The following SELENOK variants were observed in gnomAD, a reference collection of about 807,000 sequenced individuals.
SELENOK encodes the protein selenoprotein K.
In SELENOK, 11 loss-of-function variants were observed where a neutral mutation model predicts 17.3. The observed-to-expected ratio is 0.63, with a 90% CI of 0.40 to 1.05. The LOEUF is 1.05. Ranked by LOEUF, SELENOK falls within the 50% of genes least tolerant of loss-of-function variation. The pLI, the probability that SELENOK is intolerant of heterozygous loss-of-function variation, is 0.00. For missense variants in SELENOK, 125 were observed against 113.9 expected (o/e 1.10, Z -0.44); for synonymous variants, 45 against 35.4 (o/e 1.27, Z -0.97).
At chr3:53,889,891 C>G (rs1340487826) in intron 1 of SELENOK, among the ~76,000 whole-genome samples, 2 of 152,184 alleles carry the variant, frequency 1.3e-5, no homozygotes, top group Non-Finnish European at 2.9e-5. Context: ...TTATCTTAAG[C>G]AAAACTGGAT....
intron 1 of SELENOK, among the ~76,000 whole-genome samples, chr3:53,889,777 AGAGT>A (rs1218142169): frequency 1.3e-5 from 2 of 152,260 alleles, no homozygotes; most frequent in African/African-American, 4.8e-5. Flanking sequence ...ATTCTTATAA[AGAGT>A]GTGTATGCTC....
intron 1 of SELENOK, 57 bp downstream of exon 1, chr3:53,891,713 A>G: frequency 6.2e-7 from 1 of 1,605,936 alleles, no homozygotes; most frequent in Non-Finnish European, 8.5e-7. Context: ...GATGAAAGGA[A>G]CCTGGAGTCC....
In SELENOK at chr3:53,888,779, G is replaced by A. The variant is rs145586086; in HGVS notation, c.20-296C>T. Among the ~76,000 whole-genome samples the A allele has an allele frequency of 8.5e-5, 13 of 152,238 alleles. No homozygotes were observed. In the East Asian group the frequency reaches 2.1e-3, roughly 25 times the overall value. On this transcript the variant is annotated intron_variant, in intron 1 of 4. Coordinates refer to ENST00000495461, the MANE Select transcript of SELENOK (RefSeq NM_021237.5). ...TTTCTATAAATATATAACAAAGGCT[G>A]GGCGCGGTGGCTCATGCCTGTAATC...
chr3:53,885,773 C>T (rs1576872791), intron 4 of SELENOK, 53 bp downstream of exon 4: 2 of 1,394,504 alleles, frequency 1.4e-6, no homozygotes, highest in East Asian at 4.9e-5. Flanking sequence ...AACATTACTA[C>T]AGAAGTGTTT....
chr3:53,888,673 G>A (rs1337133908), intron 1 of SELENOK, among the ~76,000 whole-genome samples, 190 bp from the exon 2 acceptor site: 1 of 152,198 alleles, frequency 6.6e-6, no homozygotes. Flanking sequence ...CCATTATCTA[G>A]GGACATTCCT....
chr3:53,886,812 A>G, intron 3 of SELENOK, 39 bp downstream of exon 3: 1 of 1,268,386 alleles, frequency 7.9e-7, no homozygotes, highest in African/African-American at 1.5e-5. Flanking sequence ...AGGTATACAA[A>G]GACATAAAAA....
chr3:53,887,021 T>TGAGAGGA lies in SELENOK; in HGVS notation c.111-94_111-88dup, dbSNP rs1261906864. ...CCATGTTTTTTAACCATCATCTCTG[T>TGAGAGGA]GAGAGGATTACTAAACCCACTTAGC... is the stretch of plus-strand genomic sequence containing the variant. On this transcript the variant is annotated intron_variant, in intron 2 of 4. Coordinates refer to ENST00000495461, the MANE Select transcript of SELENOK (RefSeq NM_021237.5). 1.3e-5 allele frequency: 14 copies of TGAGAGGA among 1,076,358 alleles called. No homozygotes were observed. The African/African-American group carries it at 2.2e-4, about 17-fold the overall frequency. The allele number at this position is 1,076,358 out of a possible 1,614,324, so 66.7% of individuals were successfully genotyped here.
chr3:53,889,718 T>A lies in SELENOK; in HGVS notation c.20-1235A>T, dbSNP rs11130383. ...AAAGTCTCTTGCCTGTATAAAAAGA[T>A]TGCGTATTCATACTCTTACAAGTCT... On this transcript the variant is annotated intron_variant, in intron 1 of 4. Transcript: ENST00000495461. Among the ~76,000 whole-genome samples the A allele has an allele frequency of 2.6e-3, 398 of 152,372 alleles. 2 individuals carry two copies. Among genetic ancestry groups the A allele is most frequent in the African/African-American group, 8.9e-3 (370 of 41,586 alleles).
intron 1 of SELENOK, among the ~76,000 whole-genome samples, chr3:53,889,695 A>C (rs1700153971): frequency 6.6e-6 from 1 of 152,222 alleles, no homozygotes; most frequent in Non-Finnish European, 1.5e-5. Context: ...TCATTTGCAA[A>C]GTCTCTTGCC....
intron 1 of SELENOK, among the ~76,000 whole-genome samples, chr3:53,889,710 T>A (rs1408863276): frequency 6.6e-6 from 1 of 152,230 alleles, no homozygotes; most frequent in African/African-American, 2.4e-5. Flanking sequence ...CTTGCCTGTA[T>A]AAAAAGATTG....
At chr3:53,888,303 T>C (rs568548206) in intron 2 of SELENOK, 90 bp downstream of exon 2, 12 of 814,772 alleles carry the variant, frequency 1.5e-5, no homozygotes, top group Non-Finnish European at 2.5e-5. Flanking sequence ...TTCAGGAAAG[T>C]TGAGCTTATT....
chr3:53,888,296 A>G, intron 2 of SELENOK, 97 bp downstream of exon 2: 1 of 776,536 alleles, frequency 1.3e-6, no homozygotes, highest in Non-Finnish European at 2.2e-6. Flanking sequence ...AAACTGTTTC[A>G]GGAAAGTTGA....
Position 53,885,518 on chromosome 3 carries a change from G to T in SELENOK, c.*40C>A, listed in dbSNP as rs749878579. ...CTTCTTGATGGTTTCCTTCTGCTAT[G>T]AATGCGCATGTCCGGTTGTCTGCTT... is the stretch of plus-strand genomic sequence containing the variant. On this transcript the variant is annotated 3_prime_UTR_variant, in exon 5 of 5. Coordinates refer to ENST00000495461, the MANE Select transcript of SELENOK (RefSeq NM_021237.5). The T allele has an allele frequency of 6.3e-7, 1 of 1,599,682 alleles. No individual in the cohort carries two copies. Among genetic ancestry groups the T allele is most frequent in the East Asian group, 2.2e-5 (1 of 44,782 alleles).
In SELENOK at chr3:53,885,912, C is replaced by T. The variant is rs1415288694; in HGVS notation, c.195G>A (p.Gly65=). The change falls in exon 4 of 5, where the codon GGG becomes GGA. Residue 65 remains glycine (G), a splice_region_variant and synonymous_variant. Transcript: ENST00000495461. The stretch of plus-strand genomic sequence containing the variant: ...TTCTTCGGGGAGGGTTTCCTGGTGG[C>T]CTAATAAAATAAAAAGTTAGTATCT... ...SSDSRYDDGR[G]PPGNPPRRMG... The T allele has an allele frequency of 2.7e-6, 4 of 1,509,070 alleles. No individual in the cohort carries two copies. The East Asian group carries it at 9.6e-5, about 36-fold the overall frequency. The allele number at this position is 1,509,070 out of a possible 1,614,324, so 93.5% of individuals were successfully genotyped here. A position where few individuals can be genotyped will look rare whatever the true frequency, so the allele number is the denominator to read the frequency against.
intron 1 of SELENOK, 31 bp from the exon 2 acceptor site, chr3:53,888,514 A>T: frequency 6.9e-7 from 1 of 1,457,328 alleles, no homozygotes; most frequent in South Asian, 1.1e-5. Flanking sequence ...AACTTTAGTG[A>T]GTGCTACAAA....
rs1299034807 is a variant in SELENOK, at chr3:53,885,048, A to C, written c.*510T>G. 1 of 152,346 alleles carries C rather than the reference A, an allele frequency of 6.6e-6. No homozygotes were observed. The highest frequency in any genetic ancestry group is 1.5e-5 in the Non-Finnish European group (1 of 68,094). 9.4% of individuals were successfully genotyped at this position (152,346 alleles called of 1,614,324 possible). A position where few individuals can be genotyped will look rare whatever the true frequency, so the allele number is the denominator to read the frequency against. ...GGTAGCAAATTAGACACAGTGTATTAAAGATTGATGAGACAAATATGTTAA... is the reference window on the plus strand; with the variant it reads ...GGTAGCAAATTAGACACAGTGTATTCAAGATTGATGAGACAAATATGTTAA... On this transcript the variant is annotated 3_prime_UTR_variant, in exon 5 of 5. Coordinates refer to ENST00000495461, the MANE Select transcript of SELENOK (RefSeq NM_021237.5).
At chr3:53,885,641 A>G (rs534252298) in intron 4 of SELENOK, 80 bp from the exon 5 acceptor site, 1 of 1,423,568 alleles carries the variant, frequency 7.0e-7, no homozygotes, top group African/African-American at 1.4e-5. Flanking sequence ...TACATGTTAT[A>G]AAATCTTTCT....
rs1446212423 is a variant in SELENOK, at chr3:53,891,760, C to A, written c.19+10G>T. 1.2e-6 allele frequency: 2 copies of A among 1,613,862 alleles called. No homozygotes were observed. The highest frequency in any genetic ancestry group is 1.7e-6 in the Non-Finnish European group (2 of 1,179,732). On this transcript the variant is annotated intron_variant, in intron 1 of 4. Transcript: ENST00000495461. ...TCACCGGTCGAAGCCACAGCCCGCT[C>A]TCAACTTACCGTTCGAGATGTAAAC...
chr3:53,886,688 T>C (rs537967818), intron 3 of SELENOK, among the ~76,000 whole-genome samples, 163 bp downstream of exon 3: 70 of 152,380 alleles, frequency 4.6e-4, no homozygotes, highest in African/African-American at 1.6e-3. Flanking sequence ...CTGATTATTA[T>C]CAAATCAGAA....
Sources: gnomAD v4.1 joint callset for allele counts (sites outside exome capture counted in the v4.1 genomes callset) on GRCh38, gnomAD v4.1.1 for gene constraint, MANE v1.5 for transcripts, NCBI Gene and HGNC (gene_info 2026-07-23, HGNC 2026-07-21) for gene names.